Variants in UBE2E2 observed in about 807,000 individuals in gnomAD.
UBE2E2 encodes ubiquitin-conjugating enzyme E2 E2.
A neutral mutation model predicts 24.7 loss-of-function variants in UBE2E2; 6 were observed. The ratio of observed to expected loss-of-function variants is 0.24; its 90% confidence interval spans 0.13 to 0.48. The LOEUF is 0.48. UBE2E2 is among the 20% of genes least tolerant of loss of function. The pLI is 0.99. For missense variants in UBE2E2, 169 were observed against 245.0 expected (o/e 0.69, Z 2.07); for synonymous variants, 104 against 83.6 (o/e 1.24, Z -1.33).
At chr3:23,446,699 G>GTTTTTTTTTTT (rs57327621) in intron 3 of UBE2E2, among the ~76,000 whole-genome samples, 2 of 112,216 alleles carry the variant, frequency 1.8e-5, no homozygotes, top group Admixed American at 9.1e-5. Context: ...CGTCTGTTTG[G>GTTTTTTTTTTT]TTTTTTTTTT....
At chr3:23,255,487 T>G (rs1169452180) in intron 3 of UBE2E2, among the ~76,000 whole-genome samples, 1 of 152,170 alleles carries the variant, frequency 6.6e-6, no homozygotes, top group Non-Finnish European at 1.5e-5. Context: ...TTACTATTTA[T>G]TAATGATTTG....
intron 5 of UBE2E2, among the ~76,000 whole-genome samples, chr3:23,587,503 C>T (rs924093367): frequency 1.3e-5 from 2 of 152,150 alleles, no homozygotes; most frequent in African/African-American, 4.8e-5. Context: ...AATATAAGTT[C>T]TATTTAATTA....
At chr3:23,406,287 C>T (rs1697355004) in intron 3 of UBE2E2, among the ~76,000 whole-genome samples, 1 of 152,118 alleles carries the variant, frequency 6.6e-6, no homozygotes, top group African/African-American at 2.4e-5. Context: ...TTTATTTCCA[C>T]AAATAATGCA....
intron 3 of UBE2E2, among the ~76,000 whole-genome samples, chr3:23,260,970 G>T (rs965490986): frequency 6.6e-6 from 1 of 152,158 alleles, no homozygotes; most frequent in Admixed American, 6.5e-5. Context: ...GGGCGTGGTG[G>T]CATGTGCCTG....
chr3:23,255,820 C>T (rs965781786), intron 3 of UBE2E2, among the ~76,000 whole-genome samples: 1 of 152,088 alleles, frequency 6.6e-6, no homozygotes, highest in African/African-American at 2.4e-5. Flanking sequence ...AGCTTCTGGC[C>T]ATGTGCAGTG....
At chr3:23,478,682 A>G (rs1233840472) in intron 3 of UBE2E2, among the ~76,000 whole-genome samples, 1 of 152,126 alleles carries the variant, frequency 6.6e-6, no homozygotes, top group African/African-American at 2.4e-5. Flanking sequence ...GCAAATTCAA[A>G]TCTGTTCTCA....
chr3:23,488,828 A>G (rs1251630074), intron 3 of UBE2E2, among the ~76,000 whole-genome samples: 2 of 152,148 alleles, frequency 1.3e-5, no homozygotes, highest in African/African-American at 2.4e-5. Context: ...TCTTTGCTAC[A>G]TTTGCTAGCT....
intron 3 of UBE2E2, among the ~76,000 whole-genome samples, chr3:23,303,567 A>G (rs1018368237): frequency 2.6e-5 from 4 of 152,158 alleles, no homozygotes; most frequent in African/African-American, 9.7e-5. Flanking sequence ...TCATATGATA[A>G]TGTTTGAATT....
intron 3 of UBE2E2, among the ~76,000 whole-genome samples, chr3:23,463,844 A>G (rs1210120594): frequency 6.6e-6 from 1 of 152,200 alleles, no homozygotes; most frequent in Non-Finnish European, 1.5e-5. Flanking sequence ...TTACTGTAAT[A>G]TAGCATGGTC....
intron 3 of UBE2E2, among the ~76,000 whole-genome samples, chr3:23,496,888 A>G (rs1435465554): frequency 6.6e-6 from 1 of 152,168 alleles, no homozygotes; most frequent in Non-Finnish European, 1.5e-5. Context: ...ATAATGTTTG[A>G]CTTTCTCCAA....
At chr3:23,320,203 A>G (rs1396135799) in intron 3 of UBE2E2, among the ~76,000 whole-genome samples, 2 of 152,162 alleles carry the variant, frequency 1.3e-5, no homozygotes, top group African/African-American at 4.8e-5. Context: ...TGTTCTTTCA[A>G]CAGTGTTTCA....
intron 3 of UBE2E2, among the ~76,000 whole-genome samples, chr3:23,285,780 G>A (rs960228692): frequency 9.9e-5 from 15 of 152,098 alleles, no homozygotes; most frequent in African/African-American, 3.4e-4. Context: ...TGCAACCTCT[G>A]CCTTTTGGGT....
At chr3:23,273,305 C>T (rs542275201) in intron 3 of UBE2E2, among the ~76,000 whole-genome samples, 8 of 151,954 alleles carry the variant, frequency 5.3e-5, no homozygotes, top group African/African-American at 1.7e-4. Flanking sequence ...TTTGGGAGGC[C>T]GAGGTGGGCG....
intron 3 of UBE2E2, among the ~76,000 whole-genome samples, chr3:23,496,233 T>G (rs1005433156): frequency 5.3e-5 from 8 of 152,194 alleles, no homozygotes; most frequent in African/African-American, 1.9e-4. Context: ...TTGGTAGACC[T>G]TTGACATAAT....
At chr3:23,347,312 A>G (rs981942043) in intron 3 of UBE2E2, among the ~76,000 whole-genome samples, 2 of 152,246 alleles carry the variant, frequency 1.3e-5, no homozygotes, top group Non-Finnish European at 2.9e-5. Flanking sequence ...CCAAATGTCC[A>G]TCAATAATAG....
At chr3:23,213,962 A>T (rs1696397940) in intron 2 of UBE2E2, among the ~76,000 whole-genome samples, 1 of 152,168 alleles carries the variant, frequency 6.6e-6, no homozygotes, top group Non-Finnish European at 1.5e-5. Context: ...AAGGCTGAGA[A>T]ACTTAATACA....
intron 3 of UBE2E2, among the ~76,000 whole-genome samples, chr3:23,466,649 C>T (rs1698925536): frequency 6.6e-6 from 1 of 152,068 alleles, no homozygotes; most frequent in African/African-American, 2.4e-5. Context: ...TTCACTGCAA[C>T]CTCCGCCTCC....
chr3:23,453,373 A>G (rs564513358), intron 3 of UBE2E2, among the ~76,000 whole-genome samples: 6 of 152,254 alleles, frequency 3.9e-5, no homozygotes, highest in Non-Finnish European at 7.4e-5. Context: ...AGGAAAGAAA[A>G]AAATACTTTA....
chr3:23,262,282 C>T (rs531467266), intron 3 of UBE2E2, among the ~76,000 whole-genome samples: 1 of 151,990 alleles, frequency 6.6e-6, no homozygotes, highest in Non-Finnish European at 1.5e-5. Context: ...GGGCTCTTAC[C>T]AATTTTTTAA....
Sources: gnomAD v4.1 joint callset for allele counts (sites outside exome capture counted in the v4.1 genomes callset) on GRCh38, gnomAD v4.1.1 for gene constraint, MANE v1.5 for transcripts, NCBI Gene and HGNC (gene_info 2026-07-23, HGNC 2026-07-21) for gene names.